The following ITFG2 variants were observed in gnomAD, a reference collection of about 807,000 sequenced individuals.
ITFG2 encodes the protein KICSTOR complex protein ITFG2.
In ITFG2, 36 loss-of-function variants were observed where a neutral mutation model predicts 54.4. The observed-to-expected ratio is 0.66, with a 90% CI of 0.51 to 0.87. The LOEUF (loss-of-function observed/expected upper bound fraction) is 0.87, where lower values mean the gene tolerates loss of function less well. Ranked by LOEUF, ITFG2 falls within the 40% of genes least tolerant of loss-of-function variation. ITFG2 has a pLI of 0.00. For synonymous variants in ITFG2, 211 were observed against 225.4 expected (o/e 0.94, Z 0.57); for missense variants, 524 against 576.7 (o/e 0.91, Z 0.94).
intron 9 of ITFG2, among the ~76,000 whole-genome samples, chr12:2,822,483 G>T (rs775221633): frequency 1.3e-5 from 2 of 152,160 alleles, no homozygotes; most frequent in Non-Finnish European, 2.9e-5. Flanking sequence ...GCAGGTAGGG[G>T]CTATACTTTA....
chr12:2,827,029 G>C, downstream of ITFG2: 1 of 1,441,936 alleles, frequency 6.9e-7, no homozygotes, highest in South Asian at 1.5e-5. This position sits in a 1 kb window ranked among gnomAD's most constrained non-coding sequence, Gnocchi z 4.0. Flanking sequence ...TAGGACAGCT[G>C]CTGAGAAGCA....
chr12:2,826,944 T>C, downstream of ITFG2: 3 of 1,293,340 alleles, frequency 2.3e-6, no homozygotes, highest in Non-Finnish European at 3.0e-6. Context: ...TTGATTTGGC[T>C]TTGCTTTTCT....
At chr12:2,856,665 C>CCT (rs2098088377) in intron 2 of ITFG2, among the ~76,000 whole-genome samples, 1 of 152,106 alleles carries the variant, frequency 6.6e-6, no homozygotes, top group Non-Finnish European at 1.5e-5. Context: ...GCCTGGCCCC[C>CCT]AGGACTTTTC....
intron 2 of ITFG2, among the ~76,000 whole-genome samples, chr12:2,853,388 T>C (rs1010677060): frequency 6.6e-6 from 1 of 152,062 alleles, no homozygotes; most frequent in Non-Finnish European, 1.5e-5. Flanking sequence ...TTCCCCTGCC[T>C]CAGCCTCCTG....
intron 1 of ITFG2, among the ~76,000 whole-genome samples, chr12:2,840,678 C>A (rs1262322874): frequency 2.0e-5 from 3 of 151,836 alleles, no homozygotes; most frequent in African/African-American, 7.3e-5. Context: ...CCCAGCTACT[C>A]GGGAGGCTGA....
chr12:2,817,274 AATG>A lies in ITFG2; in HGVS notation c.153_155del (p.Asp52del), dbSNP rs2097924489. ...CAGCGGGAAGGTGTCTGTGTATAAA[AATG>A]ATGACAGTCGGCCATGGCTCACCTG... On this transcript the variant is annotated inframe_deletion, in exon 2 of 12. Coordinates refer to ENST00000228799, the MANE Select transcript of ITFG2 (RefSeq NM_018463.4). The A allele has an allele frequency of 6.2e-7, 1 of 1,613,888 alleles. No individual in the cohort carries two copies. Among genetic ancestry groups the A allele is most frequent in the Admixed American group, 1.7e-5 (1 of 59,996 alleles).
At chr12:2,828,464 T>G, downstream of ITFG2, 3 of 1,373,454 alleles carry the variant, frequency 2.2e-6, no homozygotes, top group Non-Finnish European at 2.1e-6. Context: ...GAGAATGGGT[T>G]GGAATTGGAT....
rs770616683 is a variant in ITFG2, at chr12:2,812,680, C to T, written c.-81C>T. 16 of 1,219,578 alleles carry T rather than the reference C, an allele frequency of 1.3e-5. No individual in the cohort carries two copies. The highest frequency in any genetic ancestry group is 8.9e-5 in the African/African-American group (6 of 67,668). The allele number at this position is 1,219,578 out of a possible 1,614,324, so 75.5% of individuals were successfully genotyped here. ...GACGTAACTTGCTGCCTTAGGTGGC[C>T]TTCCGCTCTGGCGGCTGTCGCGACG... On this transcript the variant is annotated 5_prime_UTR_variant, in exon 1 of 12. Transcript: ENST00000228799.
intron 2 of ITFG2, among the ~76,000 whole-genome samples, chr12:2,843,434 A>G (rs2098046107): frequency 6.6e-6 from 1 of 152,214 alleles, no homozygotes; most frequent in Admixed American, 6.5e-5. Context: ...GGCAAAACCA[A>G]GGCACGAAGA....
At chr12:2,858,571 G>T in intron 3 of ITFG2, 5 of 1,378,476 alleles carry the variant, frequency 3.6e-6, no homozygotes, top group Non-Finnish European at 1.0e-6. Flanking sequence ...TCAGAGGCTT[G>T]GGGTGCACTG....
intron 2 of ITFG2, among the ~76,000 whole-genome samples, chr12:2,854,274 C>T (rs533627364): frequency 3.7e-4 from 56 of 152,366 alleles, no homozygotes; most frequent in Admixed American, 1.2e-3. Context: ...ATCCGGCCGC[C>T]TCGGCCTCCT....
chr12:2,841,972 C>T (rs2098042144), intron 2 of ITFG2, among the ~76,000 whole-genome samples: 1 of 151,922 alleles, frequency 6.6e-6, no homozygotes, highest in South Asian at 2.1e-4. Flanking sequence ...CCCCTTCAGC[C>T]TCCCAAAGTG....
intron 2 of ITFG2, chr12:2,854,914 G>T (rs769154114): frequency 6.5e-6 from 10 of 1,534,976 alleles, no homozygotes; most frequent in Non-Finnish European, 3.5e-6. Context: ...GCTCGCTGGC[G>T]GCTGGATGTT....
intron 2 of ITFG2, among the ~76,000 whole-genome samples, chr12:2,843,239 A>G (rs546636168): frequency 6.6e-6 from 1 of 152,314 alleles, no homozygotes; most frequent in South Asian, 2.1e-4. Flanking sequence ...TGTCAGATCT[A>G]CTGAAGACAG....
chr12:2,814,830 TCAAA>T (rs1368393958), intron 1 of ITFG2, among the ~76,000 whole-genome samples: 10 of 151,668 alleles, frequency 6.6e-5, no homozygotes, highest in Admixed American at 6.6e-5. Flanking sequence ...AGACCCTGTC[TCAAA>T]CAAACAACAA....
At chr12:2,855,180 G>T (rs1385036512) in intron 2 of ITFG2, 32 of 1,512,456 alleles carry the variant, frequency 2.1e-5, no homozygotes, top group Middle Eastern at 1.7e-4. Context: ...CGTAGGGCCT[G>T]TCAGGCTGGG....
At chr12:2,859,391 G>C in intron 3 of ITFG2, 1 of 1,614,004 alleles carries the variant, frequency 6.2e-7, no homozygotes, top group South Asian at 1.1e-5. Context: ...AGGACTTCTT[G>C]GGTCTTGGGG....
chr12:2,832,500 G>A (rs1408256335), upstream of ITFG2, among the ~76,000 whole-genome samples: 1 of 151,864 alleles, frequency 6.6e-6, no homozygotes. Context: ...CTTTATTTGA[G>A]AGAGAGGTTG....
At chr12:2,859,142 T>C in intron 3 of ITFG2, 1 of 1,605,562 alleles carries the variant, frequency 6.2e-7, no homozygotes, top group Non-Finnish European at 8.5e-7. Context: ...TCTTAAAAGG[T>C]CCTCCCACTT....
Sources: gnomAD v4.1 joint callset for allele counts (sites outside exome capture counted in the v4.1 genomes callset) on GRCh38, gnomAD v4.1.1 for gene constraint, Gnocchi (gnomAD v3.1) non-coding constraint, MANE v1.5 for transcripts, NCBI Gene and HGNC (gene_info 2026-07-23, HGNC 2026-07-21) for gene names.